The following AFF2 variants were observed in gnomAD, a reference collection of about 807,000 sequenced individuals.
AFF2 encodes the protein ALF transcription elongation factor 2, also known as AF4/FMR2 family member 2.
Under a neutral mutation model 76.9 loss-of-function variants are expected in AFF2, and 14 were observed. The observed-to-expected ratio is 0.18, with a 90% CI of 0.12 to 0.28. AFF2 has a LOEUF of 0.28. Among genes scored for constraint, AFF2 ranks in the 10% least tolerant of loss-of-function variants. The pLI, the probability that AFF2 is intolerant of heterozygous loss-of-function variation, is 1.00. For missense variants in AFF2, 868 were observed against 1,001.1 expected (o/e 0.87, Z 1.79); for synonymous variants, 398 against 366.7 (o/e 1.09, Z -0.98).
chrX:148,940,902 T>C (rs1429918424), intron 9 of AFF2, among the ~76,000 whole-genome samples: 2 of 111,482 alleles, frequency 1.8e-5, no homozygotes, highest in African/African-American at 3.3e-5. Context: ...CAATTTAACA[T>C]TGATGAGAAG....
chrX:148,703,589 C>A (rs987873016), intron 3 of AFF2, among the ~76,000 whole-genome samples: 2 of 111,360 alleles, frequency 1.8e-5, no homozygotes, highest in Non-Finnish European at 1.9e-5. Context: ...GAGAGTAAAT[C>A]TCTTGCTTTA....
chrX:148,868,757 C>G (rs782551977), intron 7 of AFF2, among the ~76,000 whole-genome samples: 2 of 112,521 alleles, frequency 1.8e-5, no homozygotes, highest in East Asian at 5.6e-4. Flanking sequence ...CTGGTGAGCA[C>G]GTGTTATCTG....
intron 7 of AFF2, among the ~76,000 whole-genome samples, chrX:148,861,964 T>C (rs901842862): frequency 2.7e-5 from 3 of 109,236 alleles, no homozygotes. Flanking sequence ...CTTTTGTCTG[T>C]TTTTTTTTCC....
chrX:148,698,797 G>GT lies in AFF2; in HGVS notation c.1041+36049dup, dbSNP rs142604433. Among the ~76,000 whole-genome samples, 482 of 71,669 alleles carry GT rather than the reference G, an allele frequency of 6.7e-3. 3 individuals carry two copies. Among genetic ancestry groups the GT allele is most frequent in the African/African-American group, 0.014 (287 of 20,111 alleles). The allele number at this position is 71,669 out of a possible 115,157, so 62.2% of individuals were successfully genotyped here. ...AGTGGGATCTAATCTGAGTTCTAGT[G>GT]TTTTTTTTTTTTTTTTTTTTCTGTA... On this transcript the variant is annotated intron_variant, in intron 3 of 20. Transcript: ENST00000370460.
At chrX:148,798,157 GGA>G (rs1305244772) in intron 3 of AFF2, among the ~76,000 whole-genome samples, 1 of 109,744 alleles carries the variant, frequency 9.1e-6, no homozygotes, top group Non-Finnish European at 1.9e-5. Context: ...TGGAGGTTGG[GGA>G]GAGAGAGAGA....
At chrX:148,922,908 T>C (rs2071611674) in intron 9 of AFF2, among the ~76,000 whole-genome samples, 1 of 111,981 alleles carries the variant, frequency 8.9e-6, no homozygotes, top group African/African-American at 3.2e-5. Flanking sequence ...GAGATAACAT[T>C]CATTATTCAT....
At chrX:148,620,318 G>A (rs1471165799) in intron 1 of AFF2, among the ~76,000 whole-genome samples, 3 of 111,042 alleles carry the variant, frequency 2.7e-5, no homozygotes, top group South Asian at 3.8e-4. Flanking sequence ...TTGTAATAAA[G>A]ATTGTTTTCA....
Position 148,662,544 on chromosome X carries a change from G to A in AFF2, c.817G>A (p.Gly273Arg). The part of the protein sequence containing the change: ...SGLSVQNFPP[G>R]LYCKTSMGQQ... ...CCTTTCAGTTCAAAACTTCCCACCA[G>A]GGCTTTACTGCAAAACAAGCATGGG... The change falls in exon 3 of 21, where the codon GGG (glycine) becomes AGG (arginine). Residue 273 changes from glycine (G) to arginine (R), a missense_variant. By Grantham distance (125) the Gly-to-Arg change is moderately radical. Transcript: ENST00000370460. The A allele has an allele frequency of 8.3e-7, 1 of 1,211,795 alleles. No individual in the cohort carries two copies. The highest frequency in any genetic ancestry group is 1.1e-6 in the Non-Finnish European group (1 of 895,559).
At chrX:148,683,165 G>A (rs184259965) in intron 3 of AFF2, among the ~76,000 whole-genome samples, 12 of 111,695 alleles carry the variant, frequency 1.1e-4, no homozygotes, top group Non-Finnish European at 2.1e-4. Context: ...TTTCTCAGCT[G>A]TATCAGAGGG....
chrX:148,502,513 T>C (rs1314454383), intron 1 of AFF2, among the ~76,000 whole-genome samples: 9 of 112,884 alleles, frequency 8.0e-5, no homozygotes, highest in Non-Finnish European at 1.7e-4. Flanking sequence ...TGTATCAGTA[T>C]TAATCTATAA....
intron 19 of AFF2, among the ~76,000 whole-genome samples, chrX:148,987,141 G>A (rs1462999648): frequency 9.0e-6 from 1 of 111,497 alleles, no homozygotes; most frequent in Non-Finnish European, 1.9e-5. Flanking sequence ...CTATTGTGTT[G>A]ACAAAAGCTA....
At chrX:148,650,229 C>T (rs1557256158) in intron 1 of AFF2, among the ~76,000 whole-genome samples, 1 of 111,346 alleles carries the variant, frequency 9.0e-6, no homozygotes, top group East Asian at 2.8e-4. Context: ...CTGATTGTTT[C>T]CATGTCAGTC....
intron 7 of AFF2, among the ~76,000 whole-genome samples, chrX:148,862,283 G>A (rs951857030): frequency 5.4e-5 from 6 of 110,820 alleles, no homozygotes; most frequent in Admixed American, 2.9e-4. Context: ...CATGTGGATC[G>A]TCCACTTCAG....
intron 9 of AFF2, among the ~76,000 whole-genome samples, chrX:148,920,711 G>T (rs1201496835): frequency 9.1e-6 from 1 of 110,348 alleles, no homozygotes; most frequent in East Asian, 2.8e-4. Context: ...TTTCTTCTAA[G>T]TTGAATTTTG....
intron 3 of AFF2, among the ~76,000 whole-genome samples, chrX:148,750,751 C>T (rs953649564): frequency 9.0e-6 from 1 of 111,652 alleles, no homozygotes; most frequent in Non-Finnish European, 1.9e-5. Context: ...ATAGTTCTTG[C>T]AAAGATTAAA....
intron 3 of AFF2, among the ~76,000 whole-genome samples, chrX:148,770,829 G>A (rs1557268054): frequency 8.9e-6 from 1 of 112,103 alleles, no homozygotes; most frequent in Non-Finnish European, 1.9e-5. Flanking sequence ...TATTGGTGCA[G>A]AAAAGAGTTA....
intron 8 of AFF2, among the ~76,000 whole-genome samples, chrX:148,900,042 T>A (rs2071337836): frequency 9.0e-6 from 1 of 110,811 alleles, no homozygotes; most frequent in African/African-American, 3.3e-5. Context: ...ACATGTCTAT[T>A]GGACTAGAAT....
At chrX:148,855,189 G>A (rs1284692839) in intron 7 of AFF2, among the ~76,000 whole-genome samples, 7 of 111,357 alleles carry the variant, frequency 6.3e-5, no homozygotes, top group Non-Finnish European at 1.3e-4. Flanking sequence ...GGGTAGAATC[G>A]CCTCTCACCT....
At chrX:148,696,304 TG>T (rs1288369869) in intron 3 of AFF2, among the ~76,000 whole-genome samples, 4 of 82,807 alleles carry the variant, frequency 4.8e-5, no homozygotes, top group Non-Finnish European at 9.2e-5. Flanking sequence ...TGTTGTGGGG[TG>T]GGGGGAGAGG....
Sources: gnomAD v4.1 joint callset for allele counts (sites outside exome capture counted in the v4.1 genomes callset) on GRCh38, gnomAD v4.1.1 for gene constraint, MANE v1.5 for transcripts, NCBI Gene and HGNC (gene_info 2026-07-23, HGNC 2026-07-21) for gene names.